GPR20: variants seen among roughly 807,000 people sequenced by gnomAD.
The protein encoded by GPR20 is G protein-coupled receptor 20.
For missense variants in GPR20, 494 were observed against 527.4 expected (o/e 0.94, Z 0.62); for synonymous variants, 241 against 241.9 (o/e 1.00, Z 0.04).
intron 1 of GPR20, among the ~76,000 whole-genome samples, chr8:141,359,119 G>A (rs1388312349): frequency 6.6e-6 from 1 of 152,080 alleles, no homozygotes; most frequent in Non-Finnish European, 1.5e-5. Flanking sequence ...CCAGCAGGGT[G>A]GGGAGGCTCG....
chr8:141,366,166 G>A (rs1330099540), intron 1 of GPR20, among the ~76,000 whole-genome samples: 1 of 152,210 alleles, frequency 6.6e-6, no homozygotes, highest in Non-Finnish European at 1.5e-5. Context: ...CCCCACGCCC[G>A]GCTCTCCAGC....
chr8:141,366,695 C>T (rs1831818597), intron 1 of GPR20, among the ~76,000 whole-genome samples: 1 of 152,064 alleles, frequency 6.6e-6, no homozygotes, highest in Admixed American at 6.5e-5. Flanking sequence ...CCCATGCCCA[C>T]AAAGCCCTCA....
At position 141,356,895 on chromosome 8, in the gene GPR20, G is replaced by T; in HGVS notation, c.1029C>A (p.Ala343=). The change falls in exon 2 of 2, where the codon GCC becomes GCA. Residue 343 remains alanine, a synonymous_variant. Transcript: ENST00000377741. Reference sequence around the variant, plus strand: ...GGGCCTGGGTGAGGGCGTGAGGGCCGGCACTGAGGATGTGATGACGGCCTG... The same window carrying T: ...GGGCCTGGGTGAGGGCGTGAGGGCCTGCACTGAGGATGTGATGACGGCCTG... The part of the protein sequence containing the change: ...KGSGRHHILS[A]GPHALTQALA... The T allele has an allele frequency of 6.2e-7, 1 of 1,610,484 alleles. No homozygotes were observed. The highest frequency in any genetic ancestry group is 8.5e-7 in the Non-Finnish European group (1 of 1,178,376).
intron 1 of GPR20, among the ~76,000 whole-genome samples, chr8:141,361,893 C>T (rs1257790952): frequency 6.6e-6 from 1 of 152,208 alleles, no homozygotes; most frequent in Non-Finnish European, 1.5e-5. Flanking sequence ...GGCACACCTC[C>T]CAGAGCCCCG....
intron 1 of GPR20, among the ~76,000 whole-genome samples, chr8:141,366,265 A>G (rs1831811580): frequency 6.6e-6 from 1 of 152,136 alleles, no homozygotes; most frequent in South Asian, 2.1e-4. Context: ...ACCGCCCTGG[A>G]GCCCAGCGAC....
Position 141,356,956 on chromosome 8 carries a change from C to T in GPR20, c.968G>A (p.Gly323Asp), listed in dbSNP as rs764993095. The change falls in exon 2 of 2, where the codon GGT becomes GAT. Residue 323 changes from glycine (G) to aspartate (D), a missense_variant. By Grantham distance (94) the Gly-to-Asp change is moderately conservative (BLOSUM62 -1). Coordinates refer to ENST00000377741, the MANE Select transcript of GPR20 (RefSeq NM_005293.3). ...GCTCCTGTGCATGCTGACCACGTCA[C>T]CGCTGCTGGGCTCACGCTCTCCGTG... ...GQHGEREPSS[G>D]DVVSMHRSSK... 6 of 1,613,110 alleles carry T rather than the reference C, an allele frequency of 3.7e-6. 1 individual carries two copies. The highest frequency in any genetic ancestry group is 5.1e-6 in the Non-Finnish European group (6 of 1,179,998).
Position 141,357,157 on chromosome 8 carries a change from G to A in GPR20, c.767C>T (p.Pro256Leu), listed in dbSNP as rs750375389. The A allele has an allele frequency of 6.2e-7, 1 of 1,608,998 alleles. No homozygotes were observed. Among genetic ancestry groups the A allele is most frequent in the African/African-American group, 1.3e-5 (1 of 74,924 alleles). ...VLIIFLVCFT[P>L]FHARQVAVAL... is the part of the protein sequence containing the mutation. ...CACGGCCACTTGGCGGGCGTGGAAG[G>A]GCGTGAAGCAGACGAGAAAGATGAT... The change falls in exon 2 of 2, where the codon CCC becomes CTC. Residue 256 changes from proline to leucine, a missense_variant. Physicochemically the swap from Pro to Leu is moderately conservative, Grantham distance 98. Coordinates refer to ENST00000377741, the MANE Select transcript of GPR20 (RefSeq NM_005293.3).
chr8:141,365,727 C>A (rs1831805302), intron 1 of GPR20, among the ~76,000 whole-genome samples: 1 of 152,162 alleles, frequency 6.6e-6, no homozygotes, highest in Non-Finnish European at 1.5e-5. Flanking sequence ...GTGTTCAGGG[C>A]TCTGTGAGAC....
intron 1 of GPR20, among the ~76,000 whole-genome samples, chr8:141,360,875 G>C (rs75218844): frequency 1.5e-3 from 221 of 152,358 alleles, no homozygotes; most frequent in African/African-American, 5.0e-3. Flanking sequence ...GGGGTCACTC[G>C]TGCCTTCCAC....
In GPR20 at chr8:141,366,407, C is replaced by T. The variant is rs184883857; in HGVS notation, c.-25+794G>A. ...CCGTCCTGCGAGGTCGCCAGCTGCT[C>T]CACGTCTGCCCCGCCAGCACCCTGG... On this transcript the variant is annotated intron_variant, in intron 1 of 1. Coordinates refer to ENST00000377741, the MANE Select transcript of GPR20 (RefSeq NM_005293.3). Among the ~76,000 whole-genome samples the T allele has an allele frequency of 6.9e-3, 1,054 of 152,192 alleles. 15 individuals are homozygous for T. Among genetic ancestry groups the T allele is most frequent in the African/African-American group, 0.024 (1,016 of 41,518 alleles).
At position 141,357,170 on chromosome 8, in the gene GPR20, C is replaced by A; in HGVS notation, c.754G>T (p.Val252Phe). 6.2e-7 allele frequency: 1 copy of A among 1,605,140 alleles called. No individual in the cohort carries two copies. The highest frequency in any genetic ancestry group is 1.1e-5 in the South Asian group (1 of 90,606). The stretch of plus-strand genomic sequence containing the variant: ...CGGGCGTGGAAGGGCGTGAAGCAGA[C>A]GAGAAAGATGATGAGCACCGTGAGC... ...LLLTVLIIFL[V>F]CFTPFHARQV... Residue 252 changes from valine to phenylalanine, a missense_variant, in exon 2 of 2, where the codon GTC becomes TTC. By Grantham distance (50) the Val-to-Phe change is conservative. Coordinates refer to ENST00000377741, the MANE Select transcript of GPR20 (RefSeq NM_005293.3).
intron 1 of GPR20, among the ~76,000 whole-genome samples, chr8:141,361,380 C>T (rs1831732084): frequency 6.6e-6 from 1 of 152,222 alleles, no homozygotes; most frequent in Admixed American, 6.5e-5. Context: ...CCTGCCAAAG[C>T]CTGGCTCCAT....
At chr8:141,359,113 C>G (rs1331686418) in intron 1 of GPR20, among the ~76,000 whole-genome samples, 1 of 148,596 alleles carries the variant, frequency 6.7e-6, no homozygotes, top group Admixed American at 6.6e-5. Context: ...TTGGGGCCAG[C>G]AGGGTGGGGA....
intron 1 of GPR20, among the ~76,000 whole-genome samples, chr8:141,359,864 G>A (rs1831708214): frequency 6.6e-6 from 1 of 152,226 alleles, no homozygotes; most frequent in African/African-American, 2.4e-5. Context: ...CAGCTGGACT[G>A]AGGGACTGCA....
intron 1 of GPR20, among the ~76,000 whole-genome samples, chr8:141,363,443 G>C (rs1319026997): frequency 1.3e-5 from 2 of 152,228 alleles, no homozygotes; most frequent in East Asian, 1.9e-4. Context: ...AGCGAGCATC[G>C]AGCATGGAAG....
intron 1 of GPR20, among the ~76,000 whole-genome samples, chr8:141,358,704 G>A (rs1443698186): frequency 6.6e-6 from 1 of 152,248 alleles, no homozygotes; most frequent in African/African-American, 2.4e-5. Context: ...AGGCTGTCCA[G>A]TGGGGCTGCA....
At chr8:141,365,897 C>T (rs961790323) in intron 1 of GPR20, among the ~76,000 whole-genome samples, 1 of 152,228 alleles carries the variant, frequency 6.6e-6, no homozygotes, top group Non-Finnish European at 1.5e-5. Flanking sequence ...GCGCAGTTCC[C>T]TATGTCCCTG....
intron 1 of GPR20, among the ~76,000 whole-genome samples, chr8:141,358,229 G>A (rs73715870): frequency 2.0e-5 from 3 of 152,202 alleles, no homozygotes; most frequent in Non-Finnish European, 4.4e-5. Context: ...AGGTTTCTGC[G>A]ACCGTCCTGG....
chr8:141,359,366 G>A (rs1428869063), intron 1 of GPR20, among the ~76,000 whole-genome samples: 13 of 152,212 alleles, frequency 8.5e-5, no homozygotes, highest in African/African-American at 1.4e-4. Context: ...CCCTCCAGTC[G>A]GCGGCCACCT....
Sources: allele counts gnomAD v4.1 joint callset (sites outside exome capture counted in the v4.1 genomes callset), GRCh38; gene constraint gnomAD v4.1.1; transcripts MANE v1.5; gene names NCBI Gene and HGNC (gene_info 2026-07-23, HGNC 2026-07-21).